Variants in ADGRG4 observed in about 807,000 individuals in gnomAD.
The protein encoded by ADGRG4 is adhesion G protein-coupled receptor G4.
Under a neutral mutation model 126.2 loss-of-function variants are expected in ADGRG4, and 122 were observed. The observed-to-expected ratio is 0.97, with a 90% CI of 0.83 to 1.12. The LOEUF is 1.12. ADGRG4 is among the 50% of genes most tolerant of loss of function. ADGRG4 has a pLI of 0.00. For missense variants in ADGRG4, 2,481 were observed against 2,251.8 expected, an observed-to-expected ratio of 1.10 and a Z score of -2.06; for synonymous variants, 943 against 838.7, an observed-to-expected ratio of 1.12 and a Z score of -2.15.
intron 12 of ADGRG4, among the ~76,000 whole-genome samples, chrX:136,362,779 C>G (rs908260028): frequency 8.9e-6 from 1 of 111,773 alleles, no homozygotes; most frequent in Non-Finnish European, 1.9e-5. Context: ...CTGAAAGTAA[C>G]GTCTCTTTCC....
chrX:136,366,693 T>C (rs5930934), intron 13 of ADGRG4, among the ~76,000 whole-genome samples: 54,161 of 111,056 alleles, frequency 0.49, 9,597 homozygotes, highest in Middle Eastern at 0.59. Flanking sequence ...CTTTCCAGCA[T>C]TTAGTGTTGT....
At position 136,348,131 on chromosome X, in the gene ADGRG4, TGACG is replaced by T; in HGVS notation, c.4427_4430del (p.Asp1476ValfsTer44). ...CTCTTTCCACAGCTGGACTATATAA[TGACG>T]GTTTTACAGTTCTCTCCGACAGGAT... is the stretch of plus-strand genomic sequence containing the variant. On this transcript the variant is annotated frameshift_variant, in exon 6 of 26. Transcript: ENST00000394143. LOFTEE classifies it high-confidence loss of function. 17 of 1,210,657 alleles carry T rather than the reference TGACG, an allele frequency of 1.4e-5. No individual in the cohort carries two copies. Among genetic ancestry groups the T allele is most frequent in the Non-Finnish European group, 1.9e-5 (17 of 894,550 alleles).
chrX:136,349,836 A>T lies in ADGRG4; in HGVS notation c.6130A>T (p.Thr2044Ser), dbSNP rs749501089. 17 of 1,210,080 alleles carry T rather than the reference A, an allele frequency of 1.4e-5. No individual in the cohort carries two copies. The East Asian group carries it at 5.0e-4, about 36-fold the overall frequency. The change falls in exon 6 of 26, where the codon ACA becomes TCA. Residue 2044 changes from threonine (T) to serine (S), a missense_variant. Physicochemically the swap from Thr to Ser is moderately conservative, Grantham distance 58. Coordinates refer to ENST00000394143, the MANE Select transcript of ADGRG4 (RefSeq NM_153834.4). ...TVEVSKSTFL[T>S]SDMISAHPFT... The stretch of plus-strand genomic sequence containing the variant: ...AGAGGTGTCAAAATCAACATTTCTG[A>T]CATCTGACATGATATCAGCGCACCC...
Position 136,348,646 on chromosome X carries a change from C to A in ADGRG4, c.4940C>A (p.Ser1647Tyr). ...AGGATCACACCTACGACCTTTCTCT[C>A]TCCAACAGAGCCAACTTTGCCCTTT... ...PSRITPTTFL[S>Y]PTEPTLPFVK... The change falls in exon 6 of 26, where the codon TCT (serine) becomes TAT (tyrosine). Residue 1647 changes from serine to tyrosine, a missense_variant. Ser to Tyr is a moderately radical substitution (Grantham distance 144). Coordinates refer to ENST00000394143, the MANE Select transcript of ADGRG4 (RefSeq NM_153834.4). The A allele has an allele frequency of 8.3e-7, 1 of 1,210,313 alleles. No homozygotes were observed. Among genetic ancestry groups the A allele is most frequent in the South Asian group, 1.8e-5 (1 of 56,935 alleles).
At chrX:136,320,843 C>T (rs1348819835) in intron 4 of ADGRG4, among the ~76,000 whole-genome samples, 4 of 111,036 alleles carry the variant, frequency 3.6e-5, no homozygotes, top group Non-Finnish European at 5.7e-5. Flanking sequence ...TGCTTGAGCC[C>T]GGGAGGTCAA....
At position 136,395,619 on chromosome X, in the gene ADGRG4, A is replaced by G. The variant is rs750459697; in HGVS notation, c.8184+126A>G. On this transcript the variant is annotated intron_variant, in intron 19 of 25. Transcript: ENST00000394143. ...AAAAAATCCCCCTTCCAATTTGTTC[A>G]TCCAAAGTAGATCAGATTGAGACAA... is the stretch of plus-strand genomic sequence containing the variant. 6.4e-4 allele frequency: 246 copies of G among 386,187 alleles called. 1 individual carries two copies. Among genetic ancestry groups the G allele is most frequent in the Middle Eastern group, 5.7e-3 (12 of 2,093 alleles). The allele number at this position is 386,187 out of a possible 1,213,427, so 31.8% of individuals were successfully genotyped here.
chrX:136,326,813 T>C (rs1193026368), intron 5 of ADGRG4, among the ~76,000 whole-genome samples: 3 of 111,409 alleles, frequency 2.7e-5, no homozygotes, highest in Non-Finnish European at 5.6e-5. Context: ...AGAAGGATTA[T>C]GACCTTTAAA....
chrX:136,335,179 A>G (rs2074941301), intron 5 of ADGRG4, among the ~76,000 whole-genome samples: 2 of 111,242 alleles, frequency 1.8e-5, no homozygotes, highest in African/African-American at 6.5e-5. Flanking sequence ...TGTGGGTTAT[A>G]CTGATAGATT....
In ADGRG4 at chrX:136,361,562, G is replaced by A. The variant is rs1440560239; in HGVS notation, c.7252G>A (p.Glu2418Lys). Residue 2418 changes from glutamate (E) to lysine (K), a missense_variant, in exon 12 of 26, where the codon GAG (glutamate) becomes AAG (lysine). Coordinates refer to ENST00000394143, the MANE Select transcript of ADGRG4 (RefSeq NM_153834.4). ...ETAQTRCIKN[E>K]DGNATRFCSI... is the part of the protein sequence containing the mutation. ...AGCCCAAACCAGATGCATAAAAAAT[G>A]AGGATGGAAATGCCACAAGATTCTG... The A allele has an allele frequency of 8.4e-7, 1 of 1,183,738 alleles. No homozygotes were observed. Among genetic ancestry groups the A allele is most frequent in the African/African-American group, 1.8e-5 (1 of 57,118 alleles).
chrX:136,365,169 T>C (rs895505290), intron 13 of ADGRG4, among the ~76,000 whole-genome samples: 12 of 112,024 alleles, frequency 1.1e-4, no homozygotes, highest in African/African-American at 3.9e-4. Flanking sequence ...ATTTAATGTG[T>C]ACAATTTAGT....
Position 136,350,235 on chromosome X carries a change from T to A in ADGRG4, c.6529T>A (p.Ser2177Thr). 4 of 1,207,095 alleles carry A rather than the reference T, an allele frequency of 3.3e-6. No homozygotes were observed. In the South Asian group the frequency reaches 7.0e-5, roughly 21 times the overall value. ...TLIIPKPTLD[S>T]LLNIMTTTST... is the part of the protein sequence containing the mutation. The stretch of plus-strand genomic sequence containing the variant: ...AATTATTCCTAAGCCCACACTGGAC[T>A]CCCTTCTAAATATAATGACTACTAC... The change falls in exon 6 of 26, where the codon TCC (serine) becomes ACC (threonine). Residue 2177 changes from serine (S) to threonine (T), a missense_variant. By Grantham distance (58) the Ser-to-Thr change is moderately conservative (BLOSUM62 1). Coordinates refer to ENST00000394143, the MANE Select transcript of ADGRG4 (RefSeq NM_153834.4).
intron 19 of ADGRG4, among the ~76,000 whole-genome samples, chrX:136,397,306 A>G (rs2075354847): frequency 9.0e-6 from 1 of 111,126 alleles, no homozygotes; most frequent in African/African-American, 3.3e-5. Flanking sequence ...ATGAGTCATG[A>G]ATCTCTAATC....
In ADGRG4 at chrX:136,356,737, C is replaced by T. The variant is rs1374565087; in HGVS notation, c.6927+572C>T. On this transcript the variant is annotated intron_variant, in intron 9 of 25. Coordinates refer to ENST00000394143, the MANE Select transcript of ADGRG4 (RefSeq NM_153834.4). ...CAGGGGCCAGAAGCAGTGACTCACA[C>T]CTGTAATCCCAGAGATTTGGGAGGC... is the stretch of plus-strand genomic sequence containing the variant. 8.0e-5 allele frequency among the ~76,000 whole-genome samples: 9 copies of T among 112,344 alleles called. No homozygotes were observed. The Admixed American group carries it at 8.5e-4, about 11-fold the overall frequency.
At chrX:136,388,554 G>A (rs969520341) in intron 16 of ADGRG4, among the ~76,000 whole-genome samples, 3 of 112,013 alleles carry the variant, frequency 2.7e-5, no homozygotes, top group Non-Finnish European at 5.6e-5. Flanking sequence ...AAGGATTAAA[G>A]GAATTGGTGT....
chrX:136,349,154 C>A lies in ADGRG4; in HGVS notation c.5448C>A (p.Thr1816=). ...CAAACTATGCCACATCTTTGAATAC[C>A]CCTGTTTCATACCCTCCATGGACCC... ...SLTNYATSLN[T]PVSYPPWTPS... Residue 1816 remains threonine, a synonymous_variant, in exon 6 of 26, where the codon ACC becomes ACA. Coordinates refer to ENST00000394143, the MANE Select transcript of ADGRG4 (RefSeq NM_153834.4). 4.2e-6 allele frequency: 5 copies of A among 1,198,147 alleles called. No individual in the cohort carries two copies. The highest frequency in any genetic ancestry group is 5.7e-6 in the Non-Finnish European group (5 of 883,746).
Position 136,345,736 on chromosome X carries a change from T to C in ADGRG4, c.2030T>C (p.Val677Ala), listed in dbSNP as rs956197378. The C allele has an allele frequency of 2.5e-6, 3 of 1,211,501 alleles. No homozygotes were observed. The highest frequency in any genetic ancestry group is 3.4e-6 in the Non-Finnish European group (3 of 895,283). Residue 677 changes from valine (V) to alanine (A), a missense_variant, in exon 6 of 26, where the codon GTG (valine) becomes GCG (alanine). Physicochemically the swap from Val to Ala is moderately conservative, Grantham distance 64. Coordinates refer to ENST00000394143, the MANE Select transcript of ADGRG4 (RefSeq NM_153834.4). ...SMNTTTILTFVPNENFTSAFH... is the reference protein window; with the variant it reads ...SMNTTTILTFAPNENFTSAFH... ...AACACAACCACCATACTCACATTTG[T>C]GCCTAATGAAAATTTTACATCAGCA...
At chrX:136,409,048 G>GAC (rs71995144) in intron 23 of ADGRG4, among the ~76,000 whole-genome samples, 2,148 of 90,824 alleles carry the variant, frequency 0.024, 49 homozygotes, top group African/African-American at 0.059. Flanking sequence ...TCAAATTCAA[G>GAC]ACACACACAC....
chrX:136,373,209 A>G (rs1055886530), intron 15 of ADGRG4, 145 bp downstream of exon 15: 7 of 499,745 alleles, frequency 1.4e-5, no homozygotes, highest in Non-Finnish European at 2.2e-5. Context: ...GAAGATTCGT[A>G]TATAATCTTT....
chrX:136,359,992 T>A (rs750000676), intron 11 of ADGRG4, among the ~76,000 whole-genome samples: 15 of 111,468 alleles, frequency 1.3e-4, no homozygotes, highest in Non-Finnish European at 2.4e-4. Flanking sequence ...TAGAAATCAT[T>A]GAGCTCACAC....
Sources: gnomAD v4.1 joint callset for allele counts (sites outside exome capture counted in the v4.1 genomes callset) on GRCh38, gnomAD v4.1.1 for gene constraint, MANE v1.5 for transcripts, NCBI Gene and HGNC (gene_info 2026-07-23, HGNC 2026-07-21) for gene names.